NRXN3: variants seen among roughly 807,000 people sequenced by gnomAD.
The protein encoded by NRXN3 is neurexin 3.
In NRXN3, 32 loss-of-function variants were observed where a neutral mutation model predicts 137.6. The observed-to-expected ratio is 0.23, with a 90% CI of 0.18 to 0.31. The LOEUF (loss-of-function observed/expected upper bound fraction) is 0.31. Ranked by LOEUF, NRXN3 falls within the 10% of genes least tolerant of loss-of-function variation. The pLI is 1.00. For synonymous variants in NRXN3, 798 were observed against 784.5 expected, an observed-to-expected ratio of 1.02 and a Z score of -0.29; for missense variants, 1,574 against 2,062.5, an observed-to-expected ratio of 0.76 and a Z score of 4.59.
At chr14:78,820,498 T>C (rs1280492028) in intron 10 of NRXN3, among the ~76,000 whole-genome samples, 1 of 151,670 alleles carries the variant, frequency 6.6e-6, no homozygotes, top group East Asian at 1.9e-4. Flanking sequence ...CATAGCTTTT[T>C]AACTCTGAGT....
intron 6 of NRXN3, among the ~76,000 whole-genome samples, chr14:78,665,327 G>A (rs2097875224): frequency 6.6e-6 from 1 of 152,130 alleles, no homozygotes; most frequent in Non-Finnish European, 1.5e-5. Context: ...CGTGGTGGAA[G>A]GGGAAGCAAA....
At chr14:78,374,760 C>T (rs1321197100) in intron 4 of NRXN3, among the ~76,000 whole-genome samples, 1 of 80,708 alleles carries the variant, frequency 1.2e-5, no homozygotes, top group African/African-American at 5.1e-5. Context: ...CAGAGTGAGA[C>T]TCCATCTCCA....
intron 15 of NRXN3, among the ~76,000 whole-genome samples, chr14:79,203,658 G>A (rs1405865945): frequency 2.0e-5 from 3 of 152,100 alleles, no homozygotes; most frequent in East Asian, 3.8e-4. Context: ...GGTGGATTTT[G>A]GATTCAAAAT....
chr14:79,623,570 C>T (rs536978624), intron 16 of NRXN3, among the ~76,000 whole-genome samples: 88 of 152,318 alleles, frequency 5.8e-4, no homozygotes, highest in African/African-American at 2.1e-3. Context: ...TTAAATTCTG[C>T]TACTAAGCTA....
At chr14:79,621,087 A>C (rs999643838) in intron 16 of NRXN3, among the ~76,000 whole-genome samples, 2 of 152,192 alleles carry the variant, frequency 1.3e-5, no homozygotes, top group African/African-American at 4.8e-5. Context: ...CTAGTAAAAC[A>C]AGTAATGTCA....
At chr14:79,528,840 G>A (rs1193254657) in intron 16 of NRXN3, among the ~76,000 whole-genome samples, 1 of 152,124 alleles carries the variant, frequency 6.6e-6, no homozygotes, top group South Asian at 2.1e-4. Flanking sequence ...TCATCGAAGA[G>A]TGAAGTGCAG....
intron 10 of NRXN3, among the ~76,000 whole-genome samples, chr14:78,890,511 C>A (rs576685712): frequency 6.6e-6 from 1 of 151,938 alleles, no homozygotes; most frequent in African/African-American, 2.4e-5. Context: ...GACCAATGTT[C>A]TCCCAGCAGA....
At position 78,847,171 on chromosome 14, in the gene NRXN3, C is replaced by T. The variant is rs151316288; in HGVS notation, c.2275+36827C>T. On this transcript the variant is annotated intron_variant, in intron 10 of 20. Coordinates refer to ENST00000335750, the MANE Select transcript of NRXN3 (RefSeq NM_001330195.2). The stretch of plus-strand genomic sequence containing the variant: ...TGGCCAATGAAACTCCATATGAGAG[C>T]CCTCCCCTCCTCCCCAGAGTATATC... Among the ~76,000 whole-genome samples the T allele has an allele frequency of 4.2e-3, 635 of 152,140 alleles. 4 individuals are homozygous for T. Among genetic ancestry groups the T allele is most frequent in the Middle Eastern group, 0.017 (5 of 294 alleles).
intron 4 of NRXN3, among the ~76,000 whole-genome samples, chr14:78,314,690 G>T (rs904400389): frequency 3.3e-5 from 5 of 152,196 alleles, no homozygotes; most frequent in African/African-American, 1.2e-4. Flanking sequence ...TACAGTGACA[G>T]TCTCTGCCCC....
chr14:79,814,753 G>A (rs1046135049), intron 20 of NRXN3, among the ~76,000 whole-genome samples: 2 of 152,172 alleles, frequency 1.3e-5, no homozygotes, highest in Non-Finnish European at 1.5e-5. Context: ...GTTAGTGAGG[G>A]AGCATCATTT....
At chr14:78,730,612 G>C (rs1175643676) in intron 8 of NRXN3, among the ~76,000 whole-genome samples, 1 of 152,170 alleles carries the variant, frequency 6.6e-6, no homozygotes, top group Non-Finnish European at 1.5e-5. Context: ...GTGCCTACCA[G>C]CTACCTAGAT....
intron 15 of NRXN3, among the ~76,000 whole-genome samples, chr14:79,329,102 A>G (rs1344922690): frequency 6.6e-6 from 1 of 152,130 alleles, no homozygotes; most frequent in Non-Finnish European, 1.5e-5. Flanking sequence ...TTTGGTTCCA[A>G]TGGAAAACAT....
intron 15 of NRXN3, among the ~76,000 whole-genome samples, chr14:79,316,694 A>G (rs2088785653): frequency 2.0e-5 from 3 of 151,234 alleles, no homozygotes; most frequent in Admixed American, 2.0e-4. Context: ...TTGTTCTATT[A>G]CACTGGACTT....
chr14:79,195,409 T>C (rs2065005088), intron 15 of NRXN3, among the ~76,000 whole-genome samples: 1 of 152,190 alleles, frequency 6.6e-6, no homozygotes, highest in South Asian at 2.1e-4. Flanking sequence ...CTTGAGTCTT[T>C]CCCAAGGTTT....
rs181413051 is a variant in NRXN3, at chr14:79,863,956, A to T, written c.*1992A>T. ...TGGTAGCCTTTACTAATGTGTGTGG[A>T]AAGAGGTGTTCCTCATTATCTAATA... On this transcript the variant is annotated 3_prime_UTR_variant, in exon 21 of 21. Transcript: ENST00000335750. 9 of 152,624 alleles carry T rather than the reference A, an allele frequency of 5.9e-5. No individual in the cohort carries two copies. Among genetic ancestry groups the T allele is most frequent in the Admixed American group, 3.3e-4 (5 of 15,302 alleles). 9.5% of individuals were successfully genotyped at this position (152,624 alleles called of 1,614,324 possible). A position where few individuals can be genotyped will look rare whatever the true frequency, so the allele number is the denominator to read the frequency against.
intron 15 of NRXN3, among the ~76,000 whole-genome samples, chr14:79,048,194 A>G (rs1270307123): frequency 1.3e-5 from 2 of 152,246 alleles, no homozygotes; most frequent in East Asian, 1.9e-4. Flanking sequence ...TTTCATTTAT[A>G]TGAAGTTCAA....
intron 4 of NRXN3, among the ~76,000 whole-genome samples, chr14:78,483,641 G>T (rs1041582720): frequency 2.6e-5 from 4 of 152,158 alleles, no homozygotes; most frequent in Non-Finnish European, 2.9e-5. Context: ...CCAAAGTTTT[G>T]TTCCTCTTTC....
At chr14:79,613,211 G>T (rs972439996) in intron 16 of NRXN3, among the ~76,000 whole-genome samples, 4 of 152,198 alleles carry the variant, frequency 2.6e-5, no homozygotes, top group African/African-American at 9.7e-5. Context: ...AAAAAATATA[G>T]AAGTCTCAGA....
At chr14:79,435,300 C>CAAA (rs147005397) in intron 15 of NRXN3, among the ~76,000 whole-genome samples, 27 of 123,598 alleles carry the variant, frequency 2.2e-4, no homozygotes, top group African/African-American at 8.0e-4. Context: ...GAAATTTGCT[C>CAAA]AAAAAAAAAA....
Sources: gnomAD v4.1 joint callset for allele counts (sites outside exome capture counted in the v4.1 genomes callset) on GRCh38, gnomAD v4.1.1 for gene constraint, MANE v1.5 for transcripts, NCBI Gene and HGNC (gene_info 2026-07-23, HGNC 2026-07-21) for gene names.